Variants in CFDP1 observed in about 807,000 individuals in gnomAD.
CFDP1 encodes the protein heterochromatin-stabilizing protein CFDP1.
In CFDP1, 31 loss-of-function variants were observed where a neutral mutation model predicts 40.1. That is an observed-to-expected ratio of 0.77 (90% confidence interval 0.58 to 1.04). The LOEUF is 1.04. Among genes scored for constraint, CFDP1 ranks in the 50% least tolerant of loss-of-function variants. The probability of loss-of-function intolerance (pLI) is 0.00; values close to 1 mark genes in which losing one functional copy is unlikely to be tolerated. For synonymous variants in CFDP1, 167 were observed against 120.0 expected (o/e 1.39, Z -2.56); for missense variants, 423 against 343.4 (o/e 1.23, Z -1.83).
chr16:75,424,465 G>A (rs1249385927), intron 1 of CFDP1, among the ~76,000 whole-genome samples: 4 of 152,158 alleles, frequency 2.6e-5, no homozygotes, highest in African/African-American at 9.7e-5. Context: ...TTAAGATTGG[G>A]AAAAAGGCTG....
At chr16:75,299,594 C>CAA (rs35066897) in intron 6 of CFDP1, among the ~76,000 whole-genome samples, 3 of 127,170 alleles carry the variant, frequency 2.4e-5, no homozygotes, top group African/African-American at 5.9e-5. Context: ...GACTCCATCT[C>CAA]AAAAAAAAAA....
intron 5 of CFDP1, among the ~76,000 whole-genome samples, chr16:75,358,768 G>A (rs2078662708): frequency 6.6e-6 from 1 of 152,168 alleles, no homozygotes; most frequent in Middle Eastern, 3.2e-3. Context: ...TCTGCTGGCA[G>A]TGATAAATTC....
At position 75,421,554 on chromosome 16, in the gene CFDP1, T is replaced by C. The variant is rs139420167; in HGVS notation, c.65-6859A>G. On this transcript the variant is annotated intron_variant, in intron 1 of 6. Transcript: ENST00000283882. The stretch of plus-strand genomic sequence containing the variant: ...CAAAGACTCAGAGCTTCCAATAACC[T>C]TTCTAGTGCCCCAAGCATAAATATG... Among the ~76,000 whole-genome samples the C allele has an allele frequency of 1.8e-4, 27 of 152,234 alleles. No individual in the cohort carries two copies. In the East Asian group the frequency reaches 2.7e-3, roughly 15 times the overall value.
intron 5 of CFDP1, among the ~76,000 whole-genome samples, chr16:75,393,535 T>A (rs946806337): frequency 6.6e-6 from 1 of 151,634 alleles, no homozygotes; most frequent in African/African-American, 2.4e-5. Context: ...ATCGAGACCA[T>A]CCTGGCTAAC....
chr16:75,303,824 T>G (rs950247363), intron 6 of CFDP1, among the ~76,000 whole-genome samples: 1 of 152,194 alleles, frequency 6.6e-6, no homozygotes, highest in Non-Finnish European at 1.5e-5. Flanking sequence ...CCAGTTTTAT[T>G]GGTAAAGGAG....
At chr16:75,344,205 T>C (rs961028330) in intron 5 of CFDP1, among the ~76,000 whole-genome samples, 4 of 152,226 alleles carry the variant, frequency 2.6e-5, no homozygotes, top group Non-Finnish European at 5.9e-5. Flanking sequence ...TCTGTCAGTA[T>C]ATACAAGGCT....
intron 5 of CFDP1, among the ~76,000 whole-genome samples, chr16:75,316,295 G>C (rs969048450): frequency 9.9e-5 from 15 of 152,132 alleles, no homozygotes; most frequent in Admixed American, 6.5e-4. Flanking sequence ...TAATATGTGA[G>C]ATAATACTCT....
Position 75,395,118 on chromosome 16 carries a change from C to G in CFDP1, c.622G>C (p.Ala208Pro), listed in dbSNP as rs142200520. 1,223 of 1,613,894 alleles carry G rather than the reference C, an allele frequency of 7.6e-4. 1 individual carries two copies. The highest frequency in any genetic ancestry group is 9.6e-4 in the Non-Finnish European group (1,129 of 1,179,906). The change falls in exon 5 of 7, where the codon GCT becomes CCT. Residue 208 changes from alanine (A) to proline (P), a missense_variant. Ala to Pro is a conservative substitution (Grantham distance 27, BLOSUM62 -1). Coordinates refer to ENST00000283882, the MANE Select transcript of CFDP1 (RefSeq NM_006324.3). The part of the protein sequence containing the change: ...KEKPQANVPS[A>P]LPSLPAGSGL... ...GACCCGGCAGGGAGTGATGGCAGAG[C>G]TGAAGGAACATTAGCCTGTGGTTTT...
In CFDP1 at chr16:75,305,152, A is replaced by G. The variant is rs755093661; in HGVS notation, c.681T>C (p.Leu227=). ...GCTTCTTGGCACCAATTTTCCCCAA[A>G]AGGCTGCTCATGCCACTTGATCTTT... The part of the protein sequence containing the change: ...GLKRSSGMSS[L]LGKIGAKKQK... The change falls in exon 6 of 7, where the codon CTT becomes CTC. Residue 227 remains leucine, a synonymous_variant. Coordinates refer to ENST00000283882, the MANE Select transcript of CFDP1 (RefSeq NM_006324.3). 1 of 1,614,148 alleles carries G rather than the reference A, an allele frequency of 6.2e-7. No homozygotes were observed. Among genetic ancestry groups the G allele is most frequent in the East Asian group, 2.2e-5 (1 of 44,872 alleles).
Position 75,414,564 on chromosome 16 carries a change from G to C in CFDP1, c.182+14C>G, listed in dbSNP as rs368118230. 6.5e-7 allele frequency: 1 copy of C among 1,538,840 alleles called. No individual in the cohort carries two copies. Among genetic ancestry groups the C allele is most frequent in the Non-Finnish European group, 9.0e-7 (1 of 1,111,724 alleles). On this transcript the variant is annotated intron_variant, in intron 2 of 6. Transcript: ENST00000283882. ...ATAGCCCCTAACTTCTAAGGGCCTTGAAGGCAGCATCACCTGGCTGGAATG... is the reference window on the plus strand; with the variant it reads ...ATAGCCCCTAACTTCTAAGGGCCTTCAAGGCAGCATCACCTGGCTGGAATG...
In CFDP1 at chr16:75,395,181, T is replaced by C; in HGVS notation, c.559A>G (p.Lys187Glu). The C allele has an allele frequency of 3.7e-6, 6 of 1,613,762 alleles. No individual in the cohort carries two copies. The highest frequency in any genetic ancestry group is 2.2e-5 in the East Asian group (1 of 44,864). ...TGCTTGAAGAAGGATTTGGCCTCTT[T>C]AGATGTAGCATCCACTTCCTTAGTT... ...RVTKEVDATS[K>E]EAKSFFKQNE... Residue 187 changes from lysine to glutamate, a missense_variant, in exon 5 of 7, where the codon AAA becomes GAA. Lys to Glu is a moderately conservative substitution (Grantham distance 56). Coordinates refer to ENST00000283882, the MANE Select transcript of CFDP1 (RefSeq NM_006324.3).
intron 5 of CFDP1, among the ~76,000 whole-genome samples, chr16:75,361,518 G>A (rs1302926339): frequency 3.3e-5 from 5 of 152,088 alleles, no homozygotes; most frequent in African/African-American, 7.2e-5. Context: ...TCAGGAGGCT[G>A]AGGCATGAGA....
At chr16:75,429,604 G>C (rs887611283) in intron 1 of CFDP1, among the ~76,000 whole-genome samples, 1 of 152,214 alleles carries the variant, frequency 6.6e-6, no homozygotes, top group African/African-American at 2.4e-5. Context: ...AGTGAGCCAA[G>C]ATCACGCTAC....
chr16:75,340,165 G>A (rs1348473682), intron 5 of CFDP1, among the ~76,000 whole-genome samples: 3 of 152,098 alleles, frequency 2.0e-5, no homozygotes, highest in African/African-American at 4.8e-5. Context: ...CAATCTAATC[G>A]ACTGATAAAA....
chr16:75,362,931 T>C (rs1270747887), intron 5 of CFDP1: 1 of 152,154 alleles, frequency 6.6e-6, no homozygotes, highest in East Asian at 1.9e-4. Flanking sequence ...CAGTGGCAGA[T>C]CTTATGGCAA....
At chr16:75,424,064 A>G (rs900478192) in intron 1 of CFDP1, among the ~76,000 whole-genome samples, 1 of 152,228 alleles carries the variant, frequency 6.6e-6, no homozygotes. Context: ...GACAAAAAAA[A>G]AGAAAAACCA....
intron 1 of CFDP1, among the ~76,000 whole-genome samples, chr16:75,430,606 G>A (rs1446027299): frequency 1.3e-5 from 2 of 152,002 alleles, no homozygotes; most frequent in African/African-American, 2.4e-5. Flanking sequence ...TAGGATTACA[G>A]GCGCCCGTCA....
In CFDP1 at chr16:75,418,235, A is replaced by G. The variant is rs542956603; in HGVS notation, c.65-3540T>C. ...CCACTGCACTCCAGCCTGGGCAACA[A>G]GAGTGAAACTCTGTCTCAAAAAAAA... On this transcript the variant is annotated intron_variant, in intron 1 of 6. Transcript: ENST00000283882. Among the ~76,000 whole-genome samples the G allele has an allele frequency of 7.5e-5, 11 of 147,016 alleles. No individual in the cohort carries two copies. In the East Asian group the frequency reaches 2.0e-3, roughly 27 times the overall value.
At chr16:75,351,541 A>G (rs920069448) in intron 5 of CFDP1, among the ~76,000 whole-genome samples, 8 of 152,276 alleles carry the variant, frequency 5.3e-5, no homozygotes, top group African/African-American at 1.2e-4. Flanking sequence ...TTGAGAATCA[A>G]TAAGGATAAT....
Sources: allele counts gnomAD v4.1 joint callset (sites outside exome capture counted in the v4.1 genomes callset), GRCh38; gene constraint gnomAD v4.1.1; transcripts MANE v1.5; gene names NCBI Gene and HGNC (gene_info 2026-07-23, HGNC 2026-07-21).